FRMPD4: variants seen among roughly 807,000 people sequenced by gnomAD.
FRMPD4 encodes FERM and PDZ domain-containing protein 4.
FRMPD4 carries 22 observed loss-of-function variants against 94.1 expected under a neutral mutation model. That is an observed-to-expected ratio of 0.23 (90% CI 0.17 to 0.33). The LOEUF is 0.33. Among genes scored for constraint, FRMPD4 ranks in the 10% least tolerant of loss-of-function variants. The pLI is 1.00. For missense variants in FRMPD4, 1,111 were observed against 1,339.9 expected (o/e 0.83, Z 2.67); for synonymous variants, 631 against 548.6 (o/e 1.15, Z -2.10).
chrX:11,912,278 T>C (rs1436970149), intron 3 of FRMPD4, among the ~76,000 whole-genome samples: 1 of 112,396 alleles, frequency 8.9e-6, no homozygotes, highest in Non-Finnish European at 1.9e-5. Flanking sequence ...CCCTTGGAAA[T>C]GGAAGCTCAT....
At position 12,723,070 on chromosome X, in the gene FRMPD4, T is replaced by C. The variant is rs2042268871; in HGVS notation, c.*1212T>C. 1 of 110,435 alleles carries C rather than the reference T, an allele frequency of 9.1e-6. No individual in the cohort carries two copies. The highest frequency in any genetic ancestry group is 3.3e-5 in the African/African-American group (1 of 30,270). The allele number at this position is 110,435 out of a possible 1,213,427, so 9.1% of individuals were successfully genotyped here. A position where few individuals can be genotyped will look rare whatever the true frequency, so the allele number is the denominator to read the frequency against. ...TGGGAGCCATGAGTAAATAGTTAAG[T>C]ATTTATTAAATAAATACTTAATCTG... On this transcript the variant is annotated 3_prime_UTR_variant, in exon 17 of 17. Coordinates refer to ENST00000675598, the MANE Select transcript of FRMPD4 (RefSeq NM_001368397.1).
At position 12,056,795 on chromosome X, in the gene FRMPD4, G is replaced by A. The variant is rs145599959; in HGVS notation, c.95+178777G>A. On this transcript the variant is annotated intron_variant, in intron 3 of 18. Transcript: ENST00000640291. The stretch of plus-strand genomic sequence containing the variant: ...ATGGCTATATAACATTTCATGATAC[G>A]AACATACTAAAATTTATTTACCAGT... 2.4e-4 allele frequency among the ~76,000 whole-genome samples: 27 copies of A among 111,627 alleles called. No homozygotes were observed. The East Asian group carries it at 7.3e-3, about 30-fold the overall frequency.
chrX:12,426,836 C>T (rs2056950617), intron 1 of FRMPD4, among the ~76,000 whole-genome samples: 1 of 108,850 alleles, frequency 9.2e-6, no homozygotes, highest in Non-Finnish European at 1.9e-5. Flanking sequence ...AAATAAAACG[C>T]CCTCCATCTG....
At chrX:12,032,657 T>C (rs2054698879) in intron 3 of FRMPD4, among the ~76,000 whole-genome samples, 1 of 111,909 alleles carries the variant, frequency 8.9e-6, no homozygotes, top group South Asian at 3.7e-4. Context: ...ACAGCACAAA[T>C]GGAGAGACTA....
intron 1 of FRMPD4, among the ~76,000 whole-genome samples, chrX:11,845,465 T>C (rs1254563156): frequency 9.0e-6 from 1 of 110,589 alleles, no homozygotes; most frequent in Non-Finnish European, 1.9e-5. Context: ...GAGGAACTGG[T>C]ACCATTCCTT....
At chrX:12,545,171 C>T (rs185659898) in intron 2 of FRMPD4, among the ~76,000 whole-genome samples, 31 of 111,886 alleles carry the variant, frequency 2.8e-4, no homozygotes, top group East Asian at 8.4e-4. Context: ...TTGTCCAACC[C>T]GCCACCCGTG....
chrX:12,191,396 A>G (rs1035609948), intron 1 of FRMPD4, among the ~76,000 whole-genome samples: 4 of 111,890 alleles, frequency 3.6e-5, no homozygotes, highest in African/African-American at 9.7e-5. Flanking sequence ...ACACCTTGGT[A>G]TTTATCCAAA....
At chrX:12,227,563 G>A (rs2056935519) in intron 1 of FRMPD4, among the ~76,000 whole-genome samples, 2 of 111,677 alleles carry the variant, frequency 1.8e-5, no homozygotes, top group Non-Finnish European at 3.8e-5. Flanking sequence ...CACTTTGGGA[G>A]GCCAAAGCAG....
rs764767775 is a variant in FRMPD4, at chrX:12,320,973, G to T, written c.42-177707G>T. On this transcript the variant is annotated intron_variant, in intron 1 of 16. Transcript: ENST00000675598. Reference sequence around the variant, plus strand: ...TAATATTCATGACACTGACCCCAAGGCAAAGCTAGACTCAGTTATCAAACA... The same window carrying T: ...TAATATTCATGACACTGACCCCAAGTCAAAGCTAGACTCAGTTATCAAACA... Among the ~76,000 whole-genome samples, 13 of 112,123 alleles carry T rather than the reference G, an allele frequency of 1.2e-4. 1 individual carries two copies. Among genetic ancestry groups the T allele is most frequent in the African/African-American group, 3.9e-4 (12 of 30,973 alleles).
chrX:12,617,820 C>G (rs1397100194), intron 4 of FRMPD4, among the ~76,000 whole-genome samples: 1 of 110,203 alleles, frequency 9.1e-6, no homozygotes, highest in Non-Finnish European at 1.9e-5. Flanking sequence ...GTTCATGGAT[C>G]ATTTTTTGTT....
intron 1 of FRMPD4, among the ~76,000 whole-genome samples, chrX:12,385,910 T>A (rs898430263): frequency 1.8e-5 from 2 of 112,234 alleles, no homozygotes; most frequent in South Asian, 7.5e-4. Context: ...TCACAGTAAG[T>A]TTCCTCCTAA....
In FRMPD4 at chrX:12,002,696, A is replaced by G. The variant is rs187330449; in HGVS notation, c.95+124678A>G. 3.8e-4 allele frequency among the ~76,000 whole-genome samples: 43 copies of G among 112,015 alleles called. 1 individual carries two copies. The Admixed American group carries it at 3.9e-3, about 10-fold the overall frequency. On this transcript the variant is annotated intron_variant, in intron 3 of 18. Transcript: ENST00000640291. ...AAGAAACCCTGTTGGAAACTAAAGAAGGAATCCCCTGAGTTGTCAGCCCTG... is the reference window on the plus strand; with the variant it reads ...AAGAAACCCTGTTGGAAACTAAAGAGGGAATCCCCTGAGTTGTCAGCCCTG...
rs778225339 is a variant in FRMPD4 at position 12,059,204 on chromosome X, G to T, written c.95+181186G>T. Among the ~76,000 whole-genome samples, 3 of 111,785 alleles carry T rather than the reference G, an allele frequency of 2.7e-5. No individual in the cohort carries two copies. In the East Asian group the frequency reaches 8.4e-4, roughly 31 times the overall value. On this transcript the variant is annotated intron_variant, in intron 3 of 18. Coordinates refer to the FRMPD4 transcript ENST00000640291. ...TAAATAAAAAATGTATCTAATGTTAGATCTAAATCCTTACTAACTTGTGTA... is the reference window on the plus strand; with the variant it reads ...TAAATAAAAAATGTATCTAATGTTATATCTAAATCCTTACTAACTTGTGTA...
chrX:12,168,062 A>G (rs1170686378), intron 1 of FRMPD4, among the ~76,000 whole-genome samples: 1 of 110,645 alleles, frequency 9.0e-6, no homozygotes, highest in Admixed American at 9.6e-5. Flanking sequence ...GGATGCTGTT[A>G]TGCACCTTAC....
At chrX:12,456,430 CAAA>C (rs969897429) in intron 1 of FRMPD4, among the ~76,000 whole-genome samples, 1 of 111,667 alleles carries the variant, frequency 9.0e-6, no homozygotes, top group African/African-American at 3.3e-5. Flanking sequence ...CAAAAATCAA[CAAA>C]AACTACAAAT....
chrX:11,886,090 T>C (rs1253741946), intron 3 of FRMPD4, among the ~76,000 whole-genome samples: 1 of 111,727 alleles, frequency 9.0e-6, no homozygotes, highest in African/African-American at 3.2e-5. Flanking sequence ...GAGTAGAGCA[T>C]GCTTTATTCT....
intron 1 of FRMPD4, among the ~76,000 whole-genome samples, chrX:12,476,836 G>A (rs1056653351): frequency 9.0e-6 from 1 of 111,711 alleles, no homozygotes; most frequent in Non-Finnish European, 1.9e-5. Flanking sequence ...AGAGGATATG[G>A]AGAAATAGGA....
intron 1 of FRMPD4, among the ~76,000 whole-genome samples, chrX:12,423,379 C>T (rs187563709): frequency 1.9e-4 from 21 of 111,886 alleles, no homozygotes; most frequent in African/African-American, 5.8e-4. Flanking sequence ...GACCCTAAAT[C>T]GTAGTTCCTC....
intron 1 of FRMPD4, among the ~76,000 whole-genome samples, chrX:12,283,957 G>GA (rs890791783): frequency 9.0e-6 from 1 of 110,888 alleles, no homozygotes; most frequent in Non-Finnish European, 1.9e-5. Context: ...GGTGTTAAGA[G>GA]AAAAAAAATT....
Sources: allele counts gnomAD v4.1 joint callset (sites outside exome capture counted in the v4.1 genomes callset), GRCh38; gene constraint gnomAD v4.1.1; transcripts MANE v1.5; gene names NCBI Gene and HGNC (gene_info 2026-07-23, HGNC 2026-07-21).